The following FARP2 variants were observed in gnomAD, a reference collection of about 807,000 sequenced individuals.
FARP2 encodes the protein FERM, ARH/RhoGEF and pleckstrin domain protein 2.
A neutral mutation model predicts 130.5 loss-of-function variants in FARP2; 111 were observed. The ratio of observed to expected loss-of-function variants is 0.85; its 90% CI spans 0.73 to 1.00. The LOEUF (loss-of-function observed/expected upper bound fraction) is 1.00. FARP2 is among the 50% of genes least tolerant of loss of function. The pLI is 0.00. For missense variants in FARP2, 1,385 were observed against 1,346.3 expected (o/e 1.03, Z -0.45); for synonymous variants, 504 against 516.9 (o/e 0.98, Z 0.34).
In FARP2 at chr2:241,459,262, C is replaced by G. The variant is rs541921948; in HGVS notation, c.1587+2340C>G. On this transcript the variant is annotated intron_variant, in intron 14 of 26. Coordinates refer to ENST00000264042, the MANE Select transcript of FARP2 (RefSeq NM_014808.4). This position sits in a 1 kb window ranked among gnomAD's most constrained non-coding sequence, Gnocchi z 5.3. ...ACCAGTGTGCCCAGCCAGGCTGCAA[C>G]AGGTTCTGGGGAGACCCCGGCCCCA... 2.6e-5 allele frequency among the ~76,000 whole-genome samples: 4 copies of G among 152,336 alleles called. No homozygotes were observed. In the South Asian group the frequency reaches 8.3e-4, roughly 32 times the overall value.
chr2:241,423,443 C>T (rs566402642), intron 8 of FARP2, among the ~76,000 whole-genome samples: 2 of 152,288 alleles, frequency 1.3e-5, no homozygotes, highest in South Asian at 4.2e-4. Context: ...GCCTGCTTTG[C>T]AAGAGCTCCT....
intron 1 of FARP2, among the ~76,000 whole-genome samples, chr2:241,364,179 G>A (rs2061253661): frequency 6.6e-6 from 1 of 152,216 alleles, no homozygotes; most frequent in Non-Finnish European, 1.5e-5. Flanking sequence ...GTAGCAGATG[G>A]GGAAGGCAGA....
intron 8 of FARP2, among the ~76,000 whole-genome samples, chr2:241,428,766 A>C (rs2063021350): frequency 6.6e-6 from 1 of 152,216 alleles, no homozygotes; most frequent in South Asian, 2.1e-4. Flanking sequence ...CATCATCCCA[A>C]AAAGAGACCC....
intron 12 of FARP2, among the ~76,000 whole-genome samples, chr2:241,437,838 T>C (rs2063281871): frequency 6.6e-6 from 1 of 151,888 alleles, no homozygotes; most frequent in South Asian, 2.1e-4. Flanking sequence ...CTAATTTGTT[T>C]GTATTTTTAG....
rs139279666 is a variant in FARP2, at chr2:241,439,625, G to A, written c.1159-1679G>A. On this transcript the variant is annotated intron_variant, in intron 12 of 26. Transcript: ENST00000264042. ...ATTACAGGCGTGAGCCACCATGCCC[G>A]GCCTTCAAAAGAATTTAATGTCAAA... 6.3e-4 allele frequency among the ~76,000 whole-genome samples: 96 copies of A among 152,130 alleles called. No homozygotes were observed. In the East Asian group the frequency reaches 0.015, roughly 23 times the overall value.
intron 7 of FARP2, among the ~76,000 whole-genome samples, chr2:241,416,031 G>GTGTGTC (rs2062657667): frequency 7.1e-6 from 1 of 141,644 alleles, no homozygotes; most frequent in African/African-American, 2.6e-5. Flanking sequence ...GTGTGTGTGT[G>GTGTGTC]TGTCTGGGTG....
intron 13 of FARP2, among the ~76,000 whole-genome samples, chr2:241,455,493 G>A (rs1275785043): frequency 6.6e-6 from 1 of 152,144 alleles, no homozygotes; most frequent in Non-Finnish European, 1.5e-5. Flanking sequence ...CGATTCTCCT[G>A]CCTCAGCCTC....
At chr2:241,476,138 T>G in intron 19 of FARP2, 151 bp downstream of exon 19, 1 of 609,446 alleles carries the variant, frequency 1.6e-6, no homozygotes, top group Non-Finnish European at 2.7e-6. Flanking sequence ...TTTGGGAGGC[T>G]GAGGTGGGAG....
chr2:241,426,175 A>G (rs2062935379), intron 8 of FARP2, among the ~76,000 whole-genome samples: 1 of 152,138 alleles, frequency 6.6e-6, no homozygotes, highest in South Asian at 2.1e-4. Flanking sequence ...GAGAGCATCC[A>G]CCAATACCAG....
In FARP2 at chr2:241,434,321, G is replaced by A. The variant is rs1559765652; in HGVS notation, c.1031G>A (p.Ser344Asn). Residue 344 changes from serine (S) to asparagine (N), a missense_variant and splice_region_variant, in exon 10 of 27, where the codon AGT becomes AAT. Physicochemically the swap from Ser to Asn is conservative, Grantham distance 46. Transcript: ENST00000264042. ...FFSRGSSFRY[S>N]GRTQKQLVDY... is the part of the protein sequence containing the mutation. ...AGCCGGGGCTCCTCCTTCAGATACA[G>A]GTAGGGGCCATGCCGTGGCTTGCAT... The A allele has an allele frequency of 1.2e-6, 2 of 1,604,150 alleles. No homozygotes were observed. The highest frequency in any genetic ancestry group is 1.7e-6 in the Non-Finnish European group (2 of 1,177,014).
chr2:241,456,966 G>T, intron 14 of FARP2, 44 bp downstream of exon 14: 2 of 1,509,674 alleles, frequency 1.3e-6, no homozygotes, highest in Admixed American at 2.2e-5. Flanking sequence ...GTTGCAGGGT[G>T]GGCCTGTTTT....
intron 21 of FARP2, among the ~76,000 whole-genome samples, chr2:241,487,670 A>T (rs1166465430): frequency 9.2e-6 from 1 of 108,284 alleles, no homozygotes; most frequent in Admixed American, 8.6e-5. Flanking sequence ...CCCTCTCAAA[A>T]AAAAAAAAAA....
intron 1 of FARP2, among the ~76,000 whole-genome samples, chr2:241,361,584 G>C (rs1445764019): frequency 6.6e-6 from 1 of 152,122 alleles, no homozygotes; most frequent in Non-Finnish European, 1.5e-5. Context: ...TTTTACAAAA[G>C]TGTATGACCA....
At chr2:241,411,223 TAGTTAG>T in intron 6 of FARP2, 93 bp downstream of exon 6, 1 of 845,760 alleles carries the variant, frequency 1.2e-6, no homozygotes, top group Non-Finnish European at 2.0e-6. Flanking sequence ...TGTATTTGCC[TAGTTAG>T]TGAGCCTGAC....
chr2:241,463,952 T>G lies in FARP2; in HGVS notation c.1865T>G (p.Ile622Ser). 2 of 1,614,140 alleles carry G rather than the reference T, an allele frequency of 1.2e-6. No homozygotes were observed. The highest frequency in any genetic ancestry group is 2.2e-5 in the South Asian group (2 of 91,064). ...TKGSHQRIGDILLRNMRQLKE... is the reference protein window; with the variant it reads ...TKGSHQRIGDSLLRNMRQLKE... ...GGCAGTCATCAACGAATCGGGGACA[T>G]CCTGCTCAGGAACATGCGCCAGTTA... The change falls in exon 17 of 27, where the codon ATC becomes AGC. Residue 622 changes from isoleucine to serine, a missense_variant. Transcript: ENST00000264042.
At chr2:241,479,886 A>C (rs550931757) in intron 19 of FARP2, among the ~76,000 whole-genome samples, 35 of 152,274 alleles carry the variant, frequency 2.3e-4, no homozygotes, top group African/African-American at 8.4e-4. Flanking sequence ...ATGTTTATGG[A>C]GCATCACAAA....
intron 24 of FARP2, 35 bp downstream of exon 24, chr2:241,491,714 G>T: frequency 6.4e-7 from 1 of 1,557,084 alleles, no homozygotes; most frequent in African/African-American, 1.3e-5. Context: ...AGTGCATCTG[G>T]AATGTTCCCA....
rs2061548901 is a variant in FARP2, at chr2:241,376,975, GA to G, written c.183+3688del. The stretch of plus-strand genomic sequence containing the variant: ...TGCTGAGTAAACGTGTTAAATGAAT[GA>G]AATCGAAAGTTAGATTTGGTTAACA... On this transcript the variant is annotated intron_variant, in intron 2 of 26. Coordinates refer to ENST00000264042, the MANE Select transcript of FARP2 (RefSeq NM_014808.4). Among the ~76,000 whole-genome samples the G allele has an allele frequency of 2.6e-5, 4 of 152,306 alleles. No individual in the cohort carries two copies. In the South Asian group the frequency reaches 8.3e-4, roughly 32 times the overall value.
At chr2:241,399,262 GA>G (rs1348471071) in intron 2 of FARP2, among the ~76,000 whole-genome samples, 1 of 152,124 alleles carries the variant, frequency 6.6e-6, no homozygotes, top group African/African-American at 2.4e-5. Flanking sequence ...TTTTCCTTAT[GA>G]TTTGTAGATC....
Sources: gnomAD v4.1 joint callset for allele counts (sites outside exome capture counted in the v4.1 genomes callset) on GRCh38, gnomAD v4.1.1 for gene constraint, Gnocchi (gnomAD v3.1) non-coding constraint, MANE v1.5 for transcripts, NCBI Gene and HGNC (gene_info 2026-07-23, HGNC 2026-07-21) for gene names.